The following DST variants were observed in gnomAD, a reference collection of about 807,000 sequenced individuals.
The protein encoded by DST is bullous pemphigoid antigen.
DST carries 253 observed loss-of-function variants against 875.2 expected under a neutral mutation model. The ratio of observed to expected loss-of-function variants is 0.29; its 90% CI spans 0.26 to 0.32. The LOEUF (loss-of-function observed/expected upper bound fraction) is 0.32. DST is among the 10% of genes least tolerant of loss of function. The probability of loss-of-function intolerance (pLI) is 1.00; values close to 1 mark genes in which losing one functional copy is unlikely to be tolerated. For synonymous variants in DST, 3,124 were observed against 3,197.1 expected, an observed-to-expected ratio of 0.98 and a Z score of 0.77; for missense variants, 8,287 against 9,111.6, an observed-to-expected ratio of 0.91 and a Z score of 3.68.
chr6:56,873,684 T>C (rs962999728), intron 3 of DST, among the ~76,000 whole-genome samples: 1 of 152,036 alleles, frequency 6.6e-6, no homozygotes, highest in Non-Finnish European at 1.5e-5. Context: ...AGATAGAGAA[T>C]TGAAAGGTGT....
intron 9 of DST, among the ~76,000 whole-genome samples, chr6:56,697,764 C>T (rs144943411): frequency 7.4e-4 from 112 of 152,268 alleles, no homozygotes; most frequent in Non-Finnish European, 1.3e-3. Flanking sequence ...TCCAATAGAC[C>T]TCTGACTTTC....
rs908357353 is a variant in DST, at chr6:56,471,176, G to A, written c.22251C>T (p.Phe7417=). The A allele has an allele frequency of 6.2e-7, 1 of 1,608,922 alleles. No individual in the cohort carries two copies. The change falls in exon 95 of 104, where the codon TTC becomes TTT. Residue 7417 remains phenylalanine (F), a synonymous_variant. Transcript: ENST00000680361. ...NHKKSRVMDF[F]RRIDKDQDGK... ...CATCCTGGTCTTTATCAATTCTCCTGAAGAAGTCCATCACTCGAGATTTCT... is the reference window on the plus strand; with the variant it reads ...CATCCTGGTCTTTATCAATTCTCCTAAAGAAGTCCATCACTCGAGATTTCT...
chr6:56,881,934 A>C (rs1782426087), intron 3 of DST, among the ~76,000 whole-genome samples: 1 of 152,230 alleles, frequency 6.6e-6, no homozygotes, highest in South Asian at 2.1e-4. Flanking sequence ...CGTGCACAAG[A>C]AACTTGGCTA....
At chr6:56,694,487 G>A (rs2099251518) in intron 9 of DST, among the ~76,000 whole-genome samples, 1 of 152,098 alleles carries the variant, frequency 6.6e-6, no homozygotes. Context: ...CATCCCAGAA[G>A]AGAAGCTGGT....
At chr6:56,720,900 A>C (rs917650480) in intron 5 of DST, among the ~76,000 whole-genome samples, 1 of 147,564 alleles carries the variant, frequency 6.8e-6, no homozygotes, top group South Asian at 2.1e-4. Context: ...GGCCGGGCAG[A>C]GGGGCTCCTC....
chr6:56,792,260 A>G (rs2099727020), intron 4 of DST, among the ~76,000 whole-genome samples: 1 of 152,170 alleles, frequency 6.6e-6, no homozygotes. Flanking sequence ...AAAGCCAGCT[A>G]ATAAACAAGA....
In DST at chr6:56,498,204, T is replaced by C. The variant is rs114439537; in HGVS notation, c.19897-151A>G. Among the ~76,000 whole-genome samples the C allele has an allele frequency of 0.025, 3,837 of 152,254 alleles. 73 individuals are homozygous for C. The highest frequency in any genetic ancestry group is 0.043 in the Non-Finnish European group (2,893 of 67,984). ...AATTTTTTTTAAAGAGATGGGGTCT[T>C]ACTCTGTGGCCCAGGCTGCAGTGTA... On this transcript the variant is annotated intron_variant, in intron 80 of 103. Transcript: ENST00000680361.
rs759842660 is a variant in DST, at chr6:56,642,766, T to C, written c.1779-263A>G. The C allele has an allele frequency of 2.2e-5, 36 of 1,613,954 alleles. No individual in the cohort carries two copies. Among genetic ancestry groups the C allele is most frequent in the Non-Finnish European group, 2.1e-5 (25 of 1,179,972 alleles). On this transcript the variant is annotated intron_variant, in intron 15 of 103. Transcript: ENST00000680361. Reference sequence around the variant, plus strand: ...ACTAAACACAGAATCACTGCTACGGTAACTATAACTACTACTGTGCATTTT... The same window carrying C: ...ACTAAACACAGAATCACTGCTACGGCAACTATAACTACTACTGTGCATTTT...
chr6:56,469,352 A>T (rs937528490), intron 97 of DST, among the ~76,000 whole-genome samples: 3 of 149,632 alleles, frequency 2.0e-5, no homozygotes, highest in African/African-American at 4.9e-5. Flanking sequence ...ATGTTCCAAA[A>T]GAGAAAAAAA....
intron 5 of DST, among the ~76,000 whole-genome samples, chr6:56,734,663 A>G (rs535771087): frequency 1.3e-5 from 2 of 152,338 alleles, no homozygotes; most frequent in South Asian, 4.1e-4. Context: ...GATAGTTTAT[A>G]TTCTCAAAAT....
intron 4 of DST, among the ~76,000 whole-genome samples, chr6:56,832,763 G>C (rs1007077179): frequency 2.0e-5 from 3 of 152,102 alleles, no homozygotes; most frequent in Non-Finnish European, 4.4e-5. Context: ...TTTTGAGACA[G>C]AGTTTTGCTC....
chr6:56,549,413 T>A (rs1013946743), intron 61 of DST, among the ~76,000 whole-genome samples: 4 of 152,180 alleles, frequency 2.6e-5, no homozygotes, highest in African/African-American at 9.7e-5. Context: ...TTAAAAAATT[T>A]AAAAAACTTT....
chr6:56,633,841 C>T (rs971114325), intron 27 of DST, among the ~76,000 whole-genome samples: 3 of 152,142 alleles, frequency 2.0e-5, no homozygotes, highest in African/African-American at 4.8e-5. Context: ...AACAAGTCTA[C>T]GAAACTCAAA....
chr6:56,509,296 T>C (rs1350211634), intron 74 of DST, among the ~76,000 whole-genome samples: 2 of 152,290 alleles, frequency 1.3e-5, no homozygotes, highest in African/African-American at 2.4e-5. Flanking sequence ...ATCCATGCTA[T>C]GTAAGGTAGC....
At chr6:56,750,463 T>A (rs2099583931) in intron 4 of DST, among the ~76,000 whole-genome samples, 1 of 152,170 alleles carries the variant, frequency 6.6e-6, no homozygotes, top group Non-Finnish European at 1.5e-5. Flanking sequence ...ACAGACATTT[T>A]AAAAATAATA....
intron 9 of DST, among the ~76,000 whole-genome samples, chr6:56,688,108 C>T (rs2099201081): frequency 6.6e-6 from 1 of 152,114 alleles, no homozygotes. Context: ...AAATTCTATA[C>T]AATTATTCTA....
intron 61 of DST, chr6:56,541,347 C>T (rs547136758): frequency 5.9e-5 from 9 of 152,638 alleles, no homozygotes; most frequent in Non-Finnish European, 1.3e-4. Context: ...AAAGAACTAA[C>T]ATCCAGTGTT....
intron 64 of DST, 100 bp from the exon 65 acceptor site, chr6:56,530,233 G>T: frequency 1.2e-6 from 1 of 839,028 alleles, no homozygotes; most frequent in Non-Finnish European, 1.7e-6. Flanking sequence ...AACATTTTCT[G>T]TAGAAACTAT....
At chr6:56,708,581 A>G (rs2099350351) in intron 5 of DST, among the ~76,000 whole-genome samples, 1 of 152,252 alleles carries the variant, frequency 6.6e-6, no homozygotes, top group South Asian at 2.1e-4. Flanking sequence ...TGTCACTAAC[A>G]ATAATAAACA....
Sources: allele counts gnomAD v4.1 joint callset (sites outside exome capture counted in the v4.1 genomes callset), GRCh38; gene constraint gnomAD v4.1.1; transcripts MANE v1.5; gene names NCBI Gene and HGNC (gene_info 2026-07-23, HGNC 2026-07-21).